Variants in RIF1 observed in about 807,000 individuals in gnomAD.
RIF1 encodes the protein replication timing regulatory factor 1.
A neutral mutation model predicts 247.1 loss-of-function variants in RIF1; 45 were observed. The observed-to-expected ratio is 0.18, with a 90% CI of 0.14 to 0.23. The LOEUF (loss-of-function observed/expected upper bound fraction) is 0.23. Ranked by LOEUF, RIF1 falls within the 10% of genes least tolerant of loss-of-function variation. The probability of loss-of-function intolerance (pLI) is 1.00; values close to 1 mark genes in which losing one functional copy is unlikely to be tolerated. For missense variants in RIF1, 2,967 were observed against 2,862.5 expected (o/e 1.04, Z -0.83); for synonymous variants, 1,087 against 978.8 (o/e 1.11, Z -2.06).
At chr2:151,452,518 T>TAACA (rs1231459655) in intron 21 of RIF1, among the ~76,000 whole-genome samples, 13 of 152,226 alleles carry the variant, frequency 8.5e-5, no homozygotes, top group Non-Finnish European at 1.8e-4. Context: ...TTTTTGGTTT[T>TAACA]TGAATTTTTA....
intron 22 of RIF1, 128 bp downstream of exon 22, chr2:151,455,287 C>T: frequency 1.6e-6 from 1 of 610,322 alleles, no homozygotes. Context: ...GGATAATAAA[C>T]TACACTTTTG....
chr2:151,502,907 C>A, intron 11 of RIF1: 1 of 1,423,436 alleles, frequency 7.0e-7, no homozygotes, highest in Non-Finnish European at 9.8e-7. Flanking sequence ...AAGAAAGTAC[C>A]CAGAGGACAT....
chr2:151,463,653 T>C lies in RIF1; in HGVS notation c.4133T>C (p.Val1378Ala). ...ACTAATACTGTAGAGGAGAAAAATGTAGAAATTAATTTGGAATCCAAAGAG... is the reference window on the plus strand; with the variant it reads ...ACTAATACTGTAGAGGAGAAAAATGCAGAAATTAATTTGGAATCCAAAGAG... ...LETNTVEEKN[V>A]EINLESKENT... Residue 1378 changes from valine to alanine, a missense_variant, in exon 30 of 36, where the codon GTA (valine) becomes GCA (alanine). Physicochemically the swap from Val to Ala is moderately conservative, Grantham distance 64 (BLOSUM62 0). Coordinates refer to ENST00000444746, the MANE Select transcript of RIF1 (RefSeq NM_018151.5). The C allele has an allele frequency of 6.2e-7, 1 of 1,613,786 alleles. No individual in the cohort carries two copies. Among genetic ancestry groups the C allele is most frequent in the Non-Finnish European group, 8.5e-7 (1 of 1,179,892 alleles).
intron 9 of RIF1, among the ~76,000 whole-genome samples, chr2:151,431,506 AAT>A (rs1416529880): frequency 2.0e-5 from 3 of 152,208 alleles, no homozygotes; most frequent in African/African-American, 7.2e-5. Flanking sequence ...TCATAAATAG[AAT>A]AGAGTCCAGA....
chr2:151,468,159 C>CTT lies in RIF1; in HGVS notation c.6747+15_6747+16dup. 1 of 1,595,270 alleles carries CTT rather than the reference C, an allele frequency of 6.3e-7. No homozygotes were observed. The highest frequency in any genetic ancestry group is 8.6e-7 in the Non-Finnish European group (1 of 1,167,670). ...TACACAATCTAAGGTAAGCTATAGG[C>CTT]TTTAAAATATACATATATGTATACC... On this transcript the variant is annotated intron_variant, in intron 31 of 35. Transcript: ENST00000444746.
chr2:151,501,851 T>C (rs569794468), intron 11 of RIF1, among the ~76,000 whole-genome samples: 4 of 152,084 alleles, frequency 2.6e-5, no homozygotes, highest in Non-Finnish European at 5.9e-5. Flanking sequence ...GAGAGACAGG[T>C]AGGTTTGGGG....
chr2:151,454,038 C>T (rs1247305339), intron 21 of RIF1, among the ~76,000 whole-genome samples: 4 of 152,142 alleles, frequency 2.6e-5, no homozygotes, highest in Non-Finnish European at 4.4e-5. Context: ...AGCATTCTGT[C>T]AGGGAATTTC....
chr2:151,434,701 A>C (rs1177135987), intron 10 of RIF1, among the ~76,000 whole-genome samples: 2 of 151,992 alleles, frequency 1.3e-5, no homozygotes, highest in Non-Finnish European at 2.9e-5. Context: ...CGGCCTCCCA[A>C]AGTGCTGGGA....
At chr2:151,466,351 G>A (rs149794128) in intron 30 of RIF1, among the ~76,000 whole-genome samples, 1 of 152,234 alleles carries the variant, frequency 6.6e-6, no homozygotes, top group African/African-American at 2.4e-5. Flanking sequence ...TCTTTATGCA[G>A]CTGTGCACAT....
At chr2:151,511,445 A>G (rs2074254376), downstream of RIF1, among the ~76,000 whole-genome samples, 1 of 152,226 alleles carries the variant, frequency 6.6e-6, no homozygotes, top group Non-Finnish European at 1.5e-5. Context: ...CTGATTGGTC[A>G]TTAAGAGATC....
At chr2:151,417,511 C>T (rs1423277370) in intron 6 of RIF1, among the ~76,000 whole-genome samples, 3 of 152,072 alleles carry the variant, frequency 2.0e-5, no homozygotes, top group Non-Finnish European at 4.4e-5. Flanking sequence ...ATACAGTTGG[C>T]CCTTTGTAGG....
At chr2:151,473,082 T>G (rs1240564828) in intron 34 of RIF1, among the ~76,000 whole-genome samples, 1 of 152,142 alleles carries the variant, frequency 6.6e-6, no homozygotes, top group African/African-American at 2.4e-5. Flanking sequence ...TTGGGTTGTT[T>G]CCACCATTTG....
In RIF1 at chr2:151,463,873, T is replaced by C. The variant is rs1438660073; in HGVS notation, c.4353T>C (p.Leu1451=). ...KERRKEEEKP[L]QKSPLHIKDD... ...GACGTAAGGAAGAAGAAAAACCTCT[T>C]CAGAAGAGTCCATTGCATATAAAAG... Residue 1451 remains leucine, a synonymous_variant, in exon 30 of 36, where the codon CTT becomes CTC. Coordinates refer to ENST00000444746, the MANE Select transcript of RIF1 (RefSeq NM_018151.5). 6.2e-7 allele frequency: 1 copy of C among 1,613,362 alleles called. No individual in the cohort carries two copies. The highest frequency in any genetic ancestry group is 8.5e-7 in the Non-Finnish European group (1 of 1,179,876).
chr2:151,488,209 T>C (rs552856923), intron 9 of RIF1, among the ~76,000 whole-genome samples: 2 of 152,280 alleles, frequency 1.3e-5, no homozygotes, highest in South Asian at 2.1e-4. Flanking sequence ...ATTTTTGTTA[T>C]GTATGCTGTA....
chr2:151,492,675 G>A (rs2057526835), intron 9 of RIF1: 1 of 408,600 alleles, frequency 2.4e-6, no homozygotes, highest in East Asian at 3.6e-5. Flanking sequence ...GCCCGCCAGT[G>A]GAAGAGAAAG....
intron 9 of RIF1, chr2:151,491,862 A>C: frequency 1.8e-6 from 2 of 1,141,164 alleles, no homozygotes; most frequent in Non-Finnish European, 2.5e-6. Context: ...ACAACCACCA[A>C]AGGATTGAAT....
At chr2:151,421,376 CAA>C (rs915375755) in intron 7 of RIF1, among the ~76,000 whole-genome samples, 175 of 152,240 alleles carry the variant, frequency 1.1e-3, no homozygotes, top group African/African-American at 3.6e-3. Flanking sequence ...AAGAACCAGA[CAA>C]GAGAACTATG....
At chr2:151,447,431 G>A (rs769504587) in intron 20 of RIF1, among the ~76,000 whole-genome samples, 1 of 152,098 alleles carries the variant, frequency 6.6e-6, no homozygotes, top group Non-Finnish European at 1.5e-5. Context: ...GTAACTTTTC[G>A]TAAAACACTG....
chr2:151,464,853 A>G lies in RIF1; in HGVS notation c.5333A>G (p.Gln1778Arg). 1 of 1,602,964 alleles carries G rather than the reference A, an allele frequency of 6.2e-7. No individual in the cohort carries two copies. Among genetic ancestry groups the G allele is most frequent in the Non-Finnish European group, 8.5e-7 (1 of 1,177,216 alleles). ...CCTGTAAGCCCATCAGAAACTTCTCAAGCTAATCCATATTCTGAAGGACAA... is the reference window on the plus strand; with the variant it reads ...CCTGTAAGCCCATCAGAAACTTCTCGAGCTAATCCATATTCTGAAGGACAA... ...QAPVSPSETS[Q>R]ANPYSEGQFL... Residue 1778 changes from glutamine (Q) to arginine (R), a missense_variant, in exon 30 of 36, where the codon CAA (glutamine) becomes CGA (arginine). By Grantham distance (43) the Gln-to-Arg change is conservative (BLOSUM62 1). Transcript: ENST00000444746.
Sources: gnomAD v4.1 joint callset for allele counts (sites outside exome capture counted in the v4.1 genomes callset) on GRCh38, gnomAD v4.1.1 for gene constraint, MANE v1.5 for transcripts, NCBI Gene and HGNC (gene_info 2026-07-23, HGNC 2026-07-21) for gene names.